The following NRG1 variants were observed in gnomAD, a reference collection of about 807,000 sequenced individuals.
NRG1 encodes the protein pro-neuregulin-1, membrane-bound isoform.
NRG1 carries 18 observed loss-of-function variants against 63.8 expected under a neutral mutation model. The ratio of observed to expected loss-of-function variants is 0.28; its 90% CI spans 0.19 to 0.42. NRG1 has a LOEUF of 0.42. Ranked by LOEUF, NRG1 falls within the 10% of genes least tolerant of loss-of-function variation. The probability of loss-of-function intolerance (pLI) is 1.00; values close to 1 mark genes in which losing one functional copy is unlikely to be tolerated. For missense variants in NRG1, 762 were observed against 814.7 expected (o/e 0.94, Z 0.79); for synonymous variants, 302 against 301.3 (o/e 1.00, Z -0.02).
At chr8:32,416,673 G>A (rs1186663018) in intron 1 of NRG1, among the ~76,000 whole-genome samples, 1 of 151,788 alleles carries the variant, frequency 6.6e-6, no homozygotes, top group African/African-American at 2.4e-5. Flanking sequence ...TGTCGTTGTT[G>A]TTTGTTTTTT....
intron 1 of NRG1, among the ~76,000 whole-genome samples, chr8:31,715,470 A>G (rs544860282): frequency 2.8e-4 from 42 of 152,324 alleles, no homozygotes; most frequent in African/African-American, 9.9e-4. Flanking sequence ...TAACAGAGGT[A>G]TGAATAATAA....
rs778494027 is a variant in NRG1, at chr8:31,639,880, G to GGGA, written c.37+460_37+462dup. On this transcript the variant is annotated intron_variant, in intron 1 of 10. Transcript: ENST00000519301. ...ATAAATAAAAGGAGGAGGGCAAGGG[G>GGGA]GGAGGAGGAGGAGTGGTGCTGCGAG... 44 of 1,092,568 alleles carry GGGA rather than the reference G, an allele frequency of 4.0e-5. No homozygotes were observed. The African/African-American group carries it at 6.9e-4, about 17-fold the overall frequency. The allele number at this position is 1,092,568 out of a possible 1,614,324, so 67.7% of individuals were successfully genotyped here. A position where few individuals can be genotyped will look rare whatever the true frequency, so the allele number is the denominator to read the frequency against.
chr8:32,575,448 G>A (rs1839449120), intron 1 of NRG1, among the ~76,000 whole-genome samples: 1 of 151,956 alleles, frequency 6.6e-6, no homozygotes, highest in African/African-American at 2.4e-5. Context: ...AGTGGGGGTG[G>A]GTGGTAGTAA....
At chr8:32,723,881 C>G (rs979998113) in intron 5 of NRG1, among the ~76,000 whole-genome samples, 1 of 151,980 alleles carries the variant, frequency 6.6e-6, no homozygotes, top group East Asian at 1.9e-4. Flanking sequence ...TTTTTGGAAC[C>G]TCTAAATGAT....
At chr8:32,039,007 C>A (rs377127020) in intron 1 of NRG1, among the ~76,000 whole-genome samples, 2 of 152,054 alleles carry the variant, frequency 1.3e-5, no homozygotes, top group African/African-American at 4.8e-5. Context: ...GAACACTGAC[C>A]GGACAAGTAA....
At chr8:31,842,169 C>T (rs1380279781) in intron 1 of NRG1, among the ~76,000 whole-genome samples, 1 of 152,240 alleles carries the variant, frequency 6.6e-6, no homozygotes, top group African/African-American at 2.4e-5. Context: ...CCTAGGTTCC[C>T]TAATTGTTGG....
rs756489856 is a variant in NRG1 at position 32,463,874 on chromosome 8, C to CTTTTTTTT, written c.38-131922_38-131915dup. On this transcript the variant is annotated intron_variant, in intron 1 of 10. Coordinates refer to the NRG1 transcript ENST00000519301. The stretch of plus-strand genomic sequence containing the variant: ...ACACACACGAAAAAAACTTAGAATT[C>CTTTTTTTT]TTTTTTTTTTTTTTTTTTTTTTTTT... Among the ~76,000 whole-genome samples, 193 of 42,338 alleles carry CTTTTTTTT rather than the reference C, an allele frequency of 4.6e-3. 37 individuals carry two copies. Among genetic ancestry groups the CTTTTTTTT allele is most frequent in the Non-Finnish European group, 5.7e-3 (135 of 23,796 alleles). 27.8% of individuals were successfully genotyped at this position (42,338 alleles called of 152,430 possible).
Position 31,757,804 on chromosome 8 carries a change from T to C in NRG1, c.37+118373T>C, listed in dbSNP as rs968386384. ...AAATATGAGAGTTAAAGTATTAAGT[T>C]CAATAAATTTTGACAGGTGTATATA... On this transcript the variant is annotated intron_variant, in intron 1 of 10. Coordinates refer to the NRG1 transcript ENST00000519301. Among the ~76,000 whole-genome samples the C allele has an allele frequency of 3.3e-5, 5 of 152,102 alleles. No homozygotes were observed. In the South Asian group the frequency reaches 1.0e-3, roughly 32 times the overall value.
intron 1 of NRG1, among the ~76,000 whole-genome samples, chr8:31,956,758 T>G (rs1223991900): frequency 1.3e-5 from 2 of 152,258 alleles, no homozygotes. Flanking sequence ...AACCCAAATC[T>G]CTATGACATA....
chr8:32,160,639 GA>G (rs1165655697), intron 1 of NRG1, among the ~76,000 whole-genome samples: 2 of 152,198 alleles, frequency 1.3e-5, no homozygotes, highest in African/African-American at 4.8e-5. Flanking sequence ...AAGCCAACAG[GA>G]TCCTAAGTCT....
intron 1 of NRG1, among the ~76,000 whole-genome samples, chr8:31,872,990 CCAAT>C (rs1432862733): frequency 6.6e-6 from 1 of 152,088 alleles, no homozygotes; most frequent in Non-Finnish European, 1.5e-5. Context: ...ATTTCTTGGG[CCAAT>C]CAAATAATGG....
intron 1 of NRG1, among the ~76,000 whole-genome samples, chr8:31,918,196 C>G (rs1012176633): frequency 5.9e-5 from 9 of 152,126 alleles, no homozygotes; most frequent in African/African-American, 1.9e-4. Context: ...CCCTTTATTT[C>G]CTCTCCTGCC....
At chr8:32,446,999 T>TTCTATTTATTTATTTA (rs1554544523) in intron 1 of NRG1, among the ~76,000 whole-genome samples, 9 of 146,420 alleles carry the variant, frequency 6.1e-5, no homozygotes, top group African/African-American at 2.3e-4. Flanking sequence ...CTAAAATACT[T>TTCTATTTATTTATTTA]TTTATTTATT....
rs115572767 is a variant in NRG1 at position 31,687,372 on chromosome 8, A to T, written c.37+47941A>T. Among the ~76,000 whole-genome samples the T allele has an allele frequency of 5.1e-3, 771 of 152,350 alleles. 6 individuals are homozygous for T. Among genetic ancestry groups the T allele is most frequent in the African/African-American group, 0.017 (714 of 41,588 alleles). The stretch of plus-strand genomic sequence containing the variant: ...TAGTCAAGCAGCTGAGACATTCAGT[A>T]GCCTTGTAGGCAAAACAAGACATAT... On this transcript the variant is annotated intron_variant, in intron 1 of 10. Coordinates refer to the NRG1 transcript ENST00000519301.
intron 1 of NRG1, among the ~76,000 whole-genome samples, chr8:31,965,747 A>G (rs1263078564): frequency 6.6e-6 from 1 of 152,190 alleles, no homozygotes. Flanking sequence ...TCTGACTGGT[A>G]TAAGAGGTAT....
At chr8:32,191,310 C>T (rs534506749) in intron 1 of NRG1, among the ~76,000 whole-genome samples, 3 of 152,178 alleles carry the variant, frequency 2.0e-5, no homozygotes, top group South Asian at 4.2e-4. Flanking sequence ...GAACTCCTAA[C>T]CTCAAGTGAT....
At chr8:32,506,801 G>A (rs1481973114) in intron 1 of NRG1, among the ~76,000 whole-genome samples, 1 of 151,984 alleles carries the variant, frequency 6.6e-6, no homozygotes, top group Non-Finnish European at 1.5e-5. Flanking sequence ...GATCACTTGA[G>A]TCCAGAAGTT....
intron 1 of NRG1, among the ~76,000 whole-genome samples, chr8:32,566,907 G>A (rs1837554875): frequency 6.6e-6 from 1 of 152,180 alleles, no homozygotes; most frequent in Non-Finnish European, 1.5e-5. Flanking sequence ...AGGCTGAAAT[G>A]CAGTGGCGCG....
At chr8:32,208,668 G>T (rs999162900) in intron 1 of NRG1, among the ~76,000 whole-genome samples, 1 of 151,960 alleles carries the variant, frequency 6.6e-6, no homozygotes, top group Non-Finnish European at 1.5e-5. Flanking sequence ...TTATGTATAC[G>T]GATGCTCCTG....
Sources: gnomAD v4.1 joint callset for allele counts (sites outside exome capture counted in the v4.1 genomes callset) on GRCh38, gnomAD v4.1.1 for gene constraint, MANE v1.5 for transcripts, NCBI Gene and HGNC (gene_info 2026-07-23, HGNC 2026-07-21) for gene names.